ARHGAP42: variants seen among roughly 807,000 people sequenced by gnomAD.
ARHGAP42 encodes Rho GTPase activating protein 42.
In ARHGAP42, 63 loss-of-function variants were observed where a neutral mutation model predicts 125.0. The ratio of observed to expected loss-of-function variants is 0.50; its 90% CI spans 0.41 to 0.62. The LOEUF is 0.62. Ranked by LOEUF, ARHGAP42 falls within the 20% of genes least tolerant of loss-of-function variation. The pLI is 0.00. For missense variants in ARHGAP42, 766 were observed against 1,024.2 expected (o/e 0.75, Z 3.44); for synonymous variants, 339 against 351.0 (o/e 0.97, Z 0.38).
intron 1 of ARHGAP42, among the ~76,000 whole-genome samples, chr11:100,720,882 G>T (rs1277116396): frequency 1.3e-5 from 2 of 151,822 alleles, no homozygotes; most frequent in East Asian, 3.9e-4. Flanking sequence ...TCTCACTGAG[G>T]TTTAAAAATA....
chr11:100,747,644 T>A (rs1289018554), intron 1 of ARHGAP42, among the ~76,000 whole-genome samples: 10 of 152,216 alleles, frequency 6.6e-5, no homozygotes, highest in Non-Finnish European at 1.5e-4. Context: ...AACAAAAATT[T>A]TTTTTAACCT....
chr11:100,766,048 A>G (rs1173832639), intron 1 of ARHGAP42, among the ~76,000 whole-genome samples: 1 of 152,198 alleles, frequency 6.6e-6, no homozygotes, highest in Non-Finnish European at 1.5e-5. Flanking sequence ...AATGAAATGA[A>G]GTTTTAGTGT....
In ARHGAP42 at chr11:100,772,318, T is replaced by C. The variant is rs77188934; in HGVS notation, c.250+1880T>C. Among the ~76,000 whole-genome samples, 149 of 152,350 alleles carry C rather than the reference T, an allele frequency of 9.8e-4. No homozygotes were observed. In the East Asian group the frequency reaches 0.015, roughly 15 times the overall value. ...CTCTGGGCAGGGTACAGAGTCCTTA[T>C]ACAAGCTTTCTCTGCATGTGGAATT... On this transcript the variant is annotated intron_variant, in intron 2 of 23. Transcript: ENST00000298815.
chr11:100,933,375 T>C, intron 7 of ARHGAP42, 115 bp downstream of exon 7: 1 of 610,460 alleles, frequency 1.6e-6, no homozygotes, highest in South Asian at 3.7e-5. Context: ...CACAAAACCC[T>C]AATCTTAGTT....
At chr11:100,921,217 A>ATG (rs1867239231) in intron 5 of ARHGAP42, among the ~76,000 whole-genome samples, 1 of 29,818 alleles carries the variant, frequency 3.4e-5, no homozygotes, top group Non-Finnish European at 5.8e-5. Context: ...ATATATACAT[A>ATG]TATATATATA....
intron 17 of ARHGAP42, among the ~76,000 whole-genome samples, chr11:100,970,417 T>A (rs1352234599): frequency 6.6e-6 from 1 of 152,176 alleles, no homozygotes; most frequent in Non-Finnish European, 1.5e-5. Context: ...AACAATAGTT[T>A]CAGGAGAGTT....
intron 4 of ARHGAP42, among the ~76,000 whole-genome samples, chr11:100,908,695 G>A (rs1209713300): frequency 6.6e-6 from 1 of 152,194 alleles, no homozygotes; most frequent in Non-Finnish European, 1.5e-5. Context: ...GAATGCTGCT[G>A]TGATAAACAT....
chr11:100,824,569 T>A (rs1864472924), intron 3 of ARHGAP42, among the ~76,000 whole-genome samples: 2 of 152,206 alleles, frequency 1.3e-5, no homozygotes, highest in African/African-American at 4.8e-5. Flanking sequence ...ATATGATATA[T>A]GATGATGACT....
chr11:100,701,524 C>G (rs1250782519), intron 1 of ARHGAP42, among the ~76,000 whole-genome samples: 1 of 152,246 alleles, frequency 6.6e-6, no homozygotes, highest in Non-Finnish European at 1.5e-5. Flanking sequence ...AGAGAGCTTG[C>G]TGCAGCGTCT....
At chr11:100,981,542 G>T (rs1028857153) in intron 22 of ARHGAP42, among the ~76,000 whole-genome samples, 1 of 152,206 alleles carries the variant, frequency 6.6e-6, no homozygotes, top group Non-Finnish European at 1.5e-5. Flanking sequence ...AAAGAGACCA[G>T]TTGGGAGATT....
chr11:100,943,968 TC>T, intron 10 of ARHGAP42, 100 bp downstream of exon 10: 1 of 814,516 alleles, frequency 1.2e-6, no homozygotes, highest in Non-Finnish European at 1.9e-6. Flanking sequence ...TGTTTTTTAG[TC>T]TTTTAAAAAA....
chr11:100,978,967 C>T lies in ARHGAP42; in HGVS notation c.2394-20C>T, dbSNP rs1385407915. 1 of 1,551,034 alleles carries T rather than the reference C, an allele frequency of 6.4e-7. No homozygotes were observed. The highest frequency in any genetic ancestry group is 2.4e-5 in the East Asian group (1 of 40,918). On this transcript the variant is annotated intron_variant, in intron 21 of 23. Coordinates refer to ENST00000298815, the MANE Select transcript of ARHGAP42 (RefSeq NM_152432.4). ...AATGTGATTGACTTCATGAAACTTG[C>T]ATTTTAAATCATTTTTCAGAGTGGC...
intron 2 of ARHGAP42, among the ~76,000 whole-genome samples, chr11:100,773,321 A>G (rs1863026193): frequency 6.6e-6 from 1 of 152,228 alleles, no homozygotes; most frequent in Non-Finnish European, 1.5e-5. Flanking sequence ...ATATTTTTCT[A>G]ATACAATGAT....
intron 1 of ARHGAP42, among the ~76,000 whole-genome samples, chr11:100,738,084 C>G (rs1862104265): frequency 6.6e-6 from 1 of 152,100 alleles, no homozygotes; most frequent in Non-Finnish European, 1.5e-5. Context: ...TTGATGGGAA[C>G]TGGGAGAGCT....
intron 10 of ARHGAP42, 108 bp from the exon 11 acceptor site, chr11:100,948,349 A>T: frequency 9.1e-6 from 7 of 771,972 alleles, no homozygotes; most frequent in Admixed American, 3.7e-5. Context: ...CTCTGTCTTC[A>T]TTTCTCTTTT....
chr11:100,875,099 CTCTCTCTCTGTGTGTG>C (rs764052525), intron 4 of ARHGAP42, among the ~76,000 whole-genome samples: 11,097 of 106,088 alleles, frequency 0.1, 473 homozygotes, highest in East Asian at 0.17. Flanking sequence ...CTCTCTCTCT[CTCTCTCTCTGTGTGTG>C]TGTGTGTGTG....
At chr11:100,933,327 T>C in intron 7 of ARHGAP42, 67 bp downstream of exon 7, 1 of 1,179,412 alleles carries the variant, frequency 8.5e-7, no homozygotes, top group Non-Finnish European at 1.2e-6. Flanking sequence ...GGGCAACTAA[T>C]TACAATTTTT....
intron 3 of ARHGAP42, among the ~76,000 whole-genome samples, chr11:100,850,873 CTTTTTTTT>C (rs201814102): frequency 8.5e-5 from 8 of 94,510 alleles, no homozygotes; most frequent in East Asian, 2.6e-4. Context: ...TAGTAGCTTT[CTTTTTTTT>C]TTTTTTTTTT....
intron 1 of ARHGAP42, among the ~76,000 whole-genome samples, chr11:100,740,087 T>G (rs867569009): frequency 3.9e-5 from 6 of 152,052 alleles, no homozygotes; most frequent in South Asian, 2.1e-4. Context: ...TTTTTTTAAT[T>G]TTCAACTCAC....
Sources: gnomAD v4.1 joint callset for allele counts (sites outside exome capture counted in the v4.1 genomes callset) on GRCh38, gnomAD v4.1.1 for gene constraint, MANE v1.5 for transcripts, NCBI Gene and HGNC (gene_info 2026-07-23, HGNC 2026-07-21) for gene names.